ACO2: variants seen among roughly 807,000 people sequenced by gnomAD.
The protein encoded by ACO2 is aconitase 2, also known as aconitate hydratase, mitochondrial.
Under a neutral mutation model 84.5 loss-of-function variants are expected in ACO2, and 31 were observed. That is an observed-to-expected ratio of 0.37 (90% confidence interval 0.28 to 0.50). ACO2 has a LOEUF of 0.50. Ranked by LOEUF, ACO2 falls within the 20% of genes least tolerant of loss-of-function variation. The pLI is 0.97. For missense variants in ACO2, 685 were observed against 1,029.3 expected, an observed-to-expected ratio of 0.67 and a Z score of 4.58; for synonymous variants, 414 against 412.7, an observed-to-expected ratio of 1.00 and a Z score of -0.04.
chr22:41,526,461 A>T lies in ACO2; in HGVS notation c.1953+8A>T, dbSNP rs777434258. On this transcript the variant is annotated splice_region_variant and intron_variant, in intron 15 of 17. Coordinates refer to ENST00000216254, the MANE Select transcript of ACO2 (RefSeq NM_001098.3). ...ACTGCCCGCTACTACAAGGTGGGTC[A>T]GAGTTGATAGGGGCAATGCCAGTGG... is the stretch of plus-strand genomic sequence containing the variant. 1.9e-6 allele frequency: 3 copies of T among 1,608,192 alleles called. No individual in the cohort carries two copies. The highest frequency in any genetic ancestry group is 1.7e-6 in the Non-Finnish European group (2 of 1,176,078).
chr22:41,513,619 C>T (rs879411205), intron 4 of ACO2, among the ~76,000 whole-genome samples: 90 of 151,144 alleles, frequency 6.0e-4, no homozygotes, highest in Admixed American at 1.2e-3. Context: ...TATGTTCCAG[C>T]ATCTGCCAAG....
At chr22:41,520,379 T>C in intron 9 of ACO2, 103 bp downstream of exon 9, 1 of 885,984 alleles carries the variant, frequency 1.1e-6, no homozygotes, top group Non-Finnish European at 1.7e-6. Flanking sequence ...CTTTCTAAGG[T>C]GGGCAGTTTC....
chr22:41,486,766 G>A (rs1009921347), intron 1 of ACO2, among the ~76,000 whole-genome samples: 1 of 152,082 alleles, frequency 6.6e-6, no homozygotes, highest in African/African-American at 2.4e-5. Context: ...CATTGCTCCC[G>A]GCCCATTGTG....
intron 1 of ACO2, among the ~76,000 whole-genome samples, chr22:41,490,202 A>G (rs2066261912): frequency 6.6e-6 from 1 of 152,160 alleles, no homozygotes; most frequent in African/African-American, 2.4e-5. Flanking sequence ...ACGTGCCTGT[A>G]GTCCCAGCTA....
chr22:41,517,385 T>C, intron 6 of ACO2, 142 bp from the exon 7 acceptor site: 1 of 687,144 alleles, frequency 1.5e-6, no homozygotes. Context: ...AAGGGATGAG[T>C]CGGCCCGCTG....
Position 41,522,930 on chromosome 22 carries a change from G to C in ACO2, c.1239G>C (p.Gln413His). Residue 413 changes from glutamine to histidine, a missense_variant, in exon 10 of 18, where the codon CAG (glutamine) becomes CAC (histidine). Around this residue, in one of 5 missense-constraint regions of ACO2, gnomAD observed 311 missense variants for 441.6 expected, o/e 0.70. Transcript: ENST00000216254. Reference protein sequence around the residue: ...ALAHGLKCKSQFTITPGSEQI... With the variant: ...ALAHGLKCKSHFTITPGSEQI... The stretch of plus-strand genomic sequence containing the variant: ...CCCATGGCCTCAAGTGCAAGTCCCA[G>C]TTCACCATCACTCCAGGTTCCGAGC... The C allele has an allele frequency of 6.2e-7, 1 of 1,614,234 alleles. No homozygotes were observed. Among genetic ancestry groups the C allele is most frequent in the Non-Finnish European group, 8.5e-7 (1 of 1,180,044 alleles).
chr22:41,502,041 G>T (rs2066357224), intron 2 of ACO2, among the ~76,000 whole-genome samples: 1 of 152,090 alleles, frequency 6.6e-6, no homozygotes, highest in Non-Finnish European at 1.5e-5. Flanking sequence ...TAACAAAATT[G>T]AAAGTCAGGT....
intron 14 of ACO2, 148 bp downstream of exon 14, chr22:41,525,496 G>C: frequency 9.5e-7 from 1 of 1,049,080 alleles, no homozygotes; most frequent in Admixed American, 2.4e-5. Context: ...AGAGCAGAGA[G>C]GGTATCGCAA....
In ACO2 at chr22:41,524,950, A is replaced by G; in HGVS notation, c.1587A>G (p.Ala529=). 6.2e-7 allele frequency: 1 copy of G among 1,614,206 alleles called. No individual in the cohort carries two copies. The highest frequency in any genetic ancestry group is 8.5e-7 in the Non-Finnish European group (1 of 1,180,036). The change falls in exon 13 of 18, where the codon GCA becomes GCG. Residue 529 remains alanine, a synonymous_variant. Transcript: ENST00000216254. ...GKKFRLEAPD[A]DELPKGEFDP... ...AGTTCAGGCTGGAGGCTCCGGATGC[A>G]GATGAGCTTCCCAAAGGGGTGAGCG... is the stretch of plus-strand genomic sequence containing the variant.
intron 2 of ACO2, among the ~76,000 whole-genome samples, chr22:41,502,743 G>A (rs537616781): frequency 5.9e-4 from 90 of 152,226 alleles, no homozygotes; most frequent in African/African-American, 2.2e-3. Flanking sequence ...TGAGTAGCTG[G>A]GATTACAGGC....
At chr22:41,477,133 T>A (rs1407800996) in intron 1 of ACO2, among the ~76,000 whole-genome samples, 1 of 118,128 alleles carries the variant, frequency 8.5e-6, no homozygotes, top group African/African-American at 6.7e-5. Flanking sequence ...TTCCATATTA[T>A]TTATTTATTT....
intron 1 of ACO2, among the ~76,000 whole-genome samples, chr22:41,498,687 C>T (rs541568524): frequency 1.4e-3 from 220 of 152,336 alleles, no homozygotes; most frequent in Non-Finnish European, 1.3e-3. Context: ...CAGAGCAATC[C>T]AAGAGAGAGA....
At chr22:41,503,828 A>G (rs1011252611) in intron 2 of ACO2, among the ~76,000 whole-genome samples, 3 of 152,204 alleles carry the variant, frequency 2.0e-5, no homozygotes, top group Admixed American at 2.0e-4. Context: ...GCCCCACAAC[A>G]AAAGAATTCT....
At chr22:41,518,453 C>T (rs775692323) in intron 7 of ACO2, 28 bp from the exon 8 acceptor site, 1 of 1,562,200 alleles carries the variant, frequency 6.4e-7, no homozygotes, top group Admixed American at 1.7e-5. Flanking sequence ...GTTTCACGTG[C>T]TCCATCCCCG....
intron 2 of ACO2, among the ~76,000 whole-genome samples, chr22:41,503,872 G>T (rs574076320): frequency 4.9e-4 from 75 of 152,290 alleles, no homozygotes; most frequent in African/African-American, 1.8e-3. Context: ...CCCTGGCTGA[G>T]AAACCCTGAC....
chr22:41,494,437 G>A (rs1239924228), intron 1 of ACO2, among the ~76,000 whole-genome samples: 1 of 146,842 alleles, frequency 6.8e-6, no homozygotes, highest in Non-Finnish European at 1.5e-5. Flanking sequence ...TTGAGTCAGA[G>A]TTTCGCTCTT....
At chr22:41,489,593 A>G (rs1020051838) in intron 1 of ACO2, among the ~76,000 whole-genome samples, 1 of 151,930 alleles carries the variant, frequency 6.6e-6, no homozygotes, top group African/African-American at 2.4e-5. Context: ...TCTGGGTTTC[A>G]TTGTTCTTTT....
At chr22:41,473,453 G>C (rs915817915) in intron 1 of ACO2, among the ~76,000 whole-genome samples, 7 of 152,150 alleles carry the variant, frequency 4.6e-5, no homozygotes, top group Non-Finnish European at 7.3e-5. Flanking sequence ...GCAGTGAACC[G>C]AGATCACGCC....
intron 17 of ACO2, 56 bp downstream of exon 17, chr22:41,528,078 C>A: frequency 8.7e-6 from 14 of 1,610,578 alleles, no homozygotes; most frequent in Non-Finnish European, 1.2e-5. Context: ...ACCTTGTTTC[C>A]CCTCCTGCAC....
Sources: gnomAD v4.1 joint callset for allele counts (sites outside exome capture counted in the v4.1 genomes callset) on GRCh38, gnomAD v4.1.1 for gene constraint, gnomAD v4.1.1 regional missense constraint, MANE v1.5 for transcripts, NCBI Gene and HGNC (gene_info 2026-07-23, HGNC 2026-07-21) for gene names.